DIS3L2: variants seen among roughly 807,000 people sequenced by gnomAD.
The protein encoded by DIS3L2 is DIS3-like exonuclease 2.
DIS3L2 carries 34 observed loss-of-function variants against 97.5 expected under a neutral mutation model. The ratio of observed to expected loss-of-function variants is 0.35; its 90% CI spans 0.27 to 0.46. The LOEUF is 0.46. Ranked by LOEUF, DIS3L2 falls within the 20% of genes least tolerant of loss-of-function variation. The pLI, the probability that DIS3L2 is intolerant of heterozygous loss-of-function variation, is 1.00. For missense variants in DIS3L2, 1,038 were observed against 1,146.0 expected (o/e 0.91, Z 1.36); for synonymous variants, 435 against 445.2 (o/e 0.98, Z 0.29).
intron 6 of DIS3L2, among the ~76,000 whole-genome samples, chr2:232,088,390 C>CAAAAAAA (rs778505065): frequency 4.1e-4 from 23 of 55,714 alleles, no homozygotes; most frequent in Non-Finnish European, 4.5e-4. Context: ...ACTAAAAATA[C>CAAAAAAA]AAAAAAAAAA....
At chr2:232,116,463 A>G (rs1044710437) in intron 6 of DIS3L2, among the ~76,000 whole-genome samples, 1 of 152,150 alleles carries the variant, frequency 6.6e-6, no homozygotes, top group South Asian at 2.1e-4. Context: ...CTTGCCTACA[A>G]GTTCATCCTA....
intron 10 of DIS3L2, among the ~76,000 whole-genome samples, chr2:232,215,943 C>G (rs1692320964): frequency 6.6e-6 from 1 of 152,192 alleles, no homozygotes; most frequent in Admixed American, 6.5e-5. Context: ...TCTTTTCTCA[C>G]CTCTGGGAAG....
At chr2:231,978,120 T>C (rs1693150596) in intron 1 of DIS3L2, among the ~76,000 whole-genome samples, 1 of 152,248 alleles carries the variant, frequency 6.6e-6, no homozygotes, top group African/African-American at 2.4e-5. Flanking sequence ...TATGTTTTTA[T>C]ATGCATTCTA....
downstream of DIS3L2, among the ~76,000 whole-genome samples, chr2:232,338,109 G>A (rs1269224577): frequency 6.6e-6 from 1 of 152,060 alleles, no homozygotes; most frequent in Non-Finnish European, 1.5e-5. Context: ...CCCCAGCCCA[G>A]GCAGCCTGAC....
intron 6 of DIS3L2, among the ~76,000 whole-genome samples, chr2:232,113,872 A>G (rs1433791444): frequency 1.3e-5 from 2 of 151,396 alleles, no homozygotes; most frequent in Non-Finnish European, 2.9e-5. Context: ...ATTAGAAATT[A>G]TGGTTTAGGA....
At chr2:232,118,272 G>A (rs368419086) in intron 6 of DIS3L2, among the ~76,000 whole-genome samples, 5 of 152,236 alleles carry the variant, frequency 3.3e-5, no homozygotes, top group South Asian at 2.1e-4. Context: ...CCCAGGTCCC[G>A]CCCACACTCA....
At position 232,136,555 on chromosome 2, in the gene DIS3L2, T is replaced by A. The variant is rs1033352725; in HGVS notation, c.786T>A (p.Phe262Leu). 8 of 1,613,950 alleles carry A rather than the reference T, an allele frequency of 5.0e-6. No homozygotes were observed. Among genetic ancestry groups the A allele is most frequent in the Non-Finnish European group, 5.9e-6 (7 of 1,179,958 alleles). ...TGGCTGATAAGAACAGCGAACTGTT[T>A]AGGAAATACGCCCTGTTTTCTCCCT... is the stretch of plus-strand genomic sequence containing the variant. ...KLLADKNSEL[F>L]RKYALFSPSD... is the part of the protein sequence containing the mutation. The change falls in exon 8 of 21, where the codon TTT (phenylalanine) becomes TTA (leucine). Residue 262 changes from phenylalanine to leucine, a missense_variant. This residue lies in a region of DIS3L2 where 813 missense variants were observed against 880.1 expected (regional missense o/e 0.92). Transcript: ENST00000325385.
chr2:232,274,891 G>T (rs1005494252), intron 13 of DIS3L2, among the ~76,000 whole-genome samples: 2 of 152,188 alleles, frequency 1.3e-5, no homozygotes, highest in African/African-American at 2.4e-5. Flanking sequence ...GTTGAACTTG[G>T]TGGAAACCTA....
At chr2:232,118,143 C>T (rs917632191) in intron 6 of DIS3L2, among the ~76,000 whole-genome samples, 3 of 152,150 alleles carry the variant, frequency 2.0e-5, no homozygotes, top group Non-Finnish European at 2.9e-5. Flanking sequence ...TCTATGTGGC[C>T]GCATGCTTTA....
intron 9 of DIS3L2, among the ~76,000 whole-genome samples, chr2:232,183,135 G>A (rs761047502): frequency 2.6e-5 from 4 of 152,182 alleles, no homozygotes; most frequent in Non-Finnish European, 5.9e-5. Flanking sequence ...GTAAAAAGGT[G>A]CCATTCATGA....
At chr2:232,147,168 G>A (rs537189250) in intron 8 of DIS3L2, among the ~76,000 whole-genome samples, 16 of 152,166 alleles carry the variant, frequency 1.1e-4, no homozygotes, top group Admixed American at 9.8e-4. Context: ...ATGGGGTCTT[G>A]CTGTGTTGTC....
At chr2:231,972,199 A>C (rs1692939895) in intron 1 of DIS3L2, among the ~76,000 whole-genome samples, 1 of 152,122 alleles carries the variant, frequency 6.6e-6, no homozygotes, top group Non-Finnish European at 1.5e-5. Context: ...ATAAAAAAAT[A>C]AAAAATAAAT....
intron 7 of DIS3L2, among the ~76,000 whole-genome samples, chr2:232,133,387 C>G (rs974347639): frequency 1.3e-5 from 2 of 152,206 alleles, no homozygotes; most frequent in Admixed American, 1.3e-4. Context: ...AAAAGTAGGT[C>G]AGGACCTGCA....
chr2:232,134,587 G>A (rs1574900973), intron 7 of DIS3L2, among the ~76,000 whole-genome samples: 1 of 152,192 alleles, frequency 6.6e-6, no homozygotes, highest in African/African-American at 2.4e-5. Context: ...CACTTTGGGA[G>A]GCCAAGGCGG....
At chr2:232,166,353 C>A (rs1231876127) in intron 9 of DIS3L2, among the ~76,000 whole-genome samples, 2 of 152,212 alleles carry the variant, frequency 1.3e-5, no homozygotes, top group Non-Finnish European at 2.9e-5. Flanking sequence ...TGCGCGCGCG[C>A]CCTGTGAAAG....
At chr2:231,980,098 A>G (rs1384372033) in intron 1 of DIS3L2, among the ~76,000 whole-genome samples, 1 of 152,138 alleles carries the variant, frequency 6.6e-6, no homozygotes, top group East Asian at 1.9e-4. Flanking sequence ...ATGTTTTTCA[A>G]TTTGATAGAG....
chr2:232,029,681 C>T (rs1322911139), intron 4 of DIS3L2, among the ~76,000 whole-genome samples: 1 of 152,020 alleles, frequency 6.6e-6, no homozygotes, highest in Non-Finnish European at 1.5e-5. Flanking sequence ...TTGCTGGTTT[C>T]CTCCTAGAGA....
intron 6 of DIS3L2, among the ~76,000 whole-genome samples, chr2:232,098,329 A>C (rs1057143134): frequency 6.6e-6 from 1 of 151,708 alleles, no homozygotes; most frequent in African/African-American, 2.4e-5. Flanking sequence ...CATCTCTGCC[A>C]ACAGTTAGGA....
intron 8 of DIS3L2, among the ~76,000 whole-genome samples, chr2:232,161,217 ATTTG>A (rs1333501816): frequency 6.6e-6 from 1 of 151,592 alleles, no homozygotes; most frequent in African/African-American, 2.4e-5. Flanking sequence ...CGCCCAGCCT[ATTTG>A]TTCATTTTCT....
Sources: gnomAD v4.1 joint callset for allele counts (sites outside exome capture counted in the v4.1 genomes callset) on GRCh38, gnomAD v4.1.1 for gene constraint, gnomAD v4.1.1 regional missense constraint, MANE v1.5 for transcripts, NCBI Gene and HGNC (gene_info 2026-07-23, HGNC 2026-07-21) for gene names.